The following NBPF3 variants were observed in gnomAD, a reference collection of about 807,000 sequenced individuals.
NBPF3 encodes NBPF member 3, also known as NBPF family member NBPF3.
NBPF3 carries 57 observed loss-of-function variants against 78.1 expected under a neutral mutation model. That is an observed-to-expected ratio of 0.73 (90% CI 0.59 to 0.91). The LOEUF is 0.91. Ranked by LOEUF, NBPF3 falls within the 40% of genes least tolerant of loss-of-function variation. The pLI, the probability that NBPF3 is intolerant of heterozygous loss-of-function variation, is 0.00. For synonymous variants in NBPF3, 182 were observed against 271.7 expected (o/e 0.67, Z 3.25); for missense variants, 510 against 715.3 (o/e 0.71, Z 3.27).
intron 4 of NBPF3, 116 bp downstream of exon 4, chr1:21,470,850 A>G (rs1642548237): frequency 1.6e-6 from 1 of 624,736 alleles, no homozygotes. Context: ...AGGAATTGCC[A>G]TGGCAGGCTC....
intron 9 of NBPF3, 45 bp downstream of exon 9, chr1:21,478,352 C>T (rs750813803): frequency 3.7e-5 from 59 of 1,595,632 alleles, no homozygotes; most frequent in Non-Finnish European, 4.8e-5. Context: ...GTTCATGTCC[C>T]AGGTAGACCC....
intron 2 of NBPF3, among the ~76,000 whole-genome samples, chr1:21,448,249 G>C (rs2147909815): frequency 6.6e-6 from 1 of 151,948 alleles, no homozygotes; most frequent in South Asian, 2.1e-4. Flanking sequence ...TATCTCCTAG[G>C]ATTCTTATGG....
Position 21,483,414 on chromosome 1 carries a change from A to G in NBPF3, c.*28A>G. The G allele has an allele frequency of 1.4e-6, 1 of 698,576 alleles. No homozygotes were observed. 43.3% of individuals were successfully genotyped at this position (698,576 alleles called of 1,614,324 possible). ...AGCCCTTACTAAGCTGAGAGATGTC[A>G]TTGCTGCAGGCAGGACGTATAGGCA... is the stretch of plus-strand genomic sequence containing the variant. On this transcript the variant is annotated 3_prime_UTR_variant, in exon 15 of 15. Coordinates refer to ENST00000318249, the MANE Select transcript of NBPF3 (RefSeq NM_032264.6).
chr1:21,438,098 G>A (rs529213827), upstream of NBPF3, among the ~76,000 whole-genome samples: 26 of 151,860 alleles, frequency 1.7e-4, no homozygotes, highest in South Asian at 5.2e-3. Context: ...GGGATTACAG[G>A]CGTGAGCCAC....
intron 2 of NBPF3, among the ~76,000 whole-genome samples, chr1:21,454,700 A>T (rs1641501040): frequency 1.3e-5 from 2 of 152,208 alleles, no homozygotes; most frequent in African/African-American, 2.4e-5. Flanking sequence ...TACAGGCGTC[A>T]ACCATATCAG....
chr1:21,456,846 T>C (rs951901642), intron 2 of NBPF3, among the ~76,000 whole-genome samples: 3 of 152,222 alleles, frequency 2.0e-5, no homozygotes, highest in African/African-American at 7.2e-5. Flanking sequence ...AATTCAGCAT[T>C]ATACTAGAGA....
intron 2 of NBPF3, among the ~76,000 whole-genome samples, chr1:21,467,997 T>C (rs1642372396): frequency 6.6e-6 from 1 of 152,188 alleles, no homozygotes; most frequent in African/African-American, 2.4e-5. Context: ...TTTTTACAAA[T>C]GAGTTATTCA....
upstream of NBPF3, among the ~76,000 whole-genome samples, chr1:21,439,338 A>C (rs527435511): frequency 2.6e-5 from 4 of 152,060 alleles, no homozygotes; most frequent in African/African-American, 9.6e-5. Context: ...AAAATACAAC[A>C]ATTAGCCAGG....
upstream of NBPF3, chr1:21,437,387 T>C (rs574970705): frequency 4.8e-6 from 4 of 837,876 alleles, no homozygotes; most frequent in Non-Finnish European, 7.1e-6. Flanking sequence ...GAGAGCACAT[T>C]GGGGAGTGGA....
At chr1:21,449,775 A>G (rs1641198177) in intron 2 of NBPF3, 1 of 192,912 alleles carries the variant, frequency 5.2e-6, no homozygotes, top group Non-Finnish European at 9.5e-6. Flanking sequence ...GACCTGAACC[A>G]TTTTTATTCT....
intron 11 of NBPF3, 97 bp from the exon 12 acceptor site, chr1:21,480,833 G>A (rs1391329328): frequency 1.8e-5 from 12 of 658,270 alleles, no homozygotes; most frequent in Non-Finnish European, 2.8e-5. Context: ...CTCATGCTGA[G>A]GAGCCTGAGG....
intron 2 of NBPF3, chr1:21,446,047 A>T (rs1640951816): frequency 6.6e-6 from 1 of 152,384 alleles, no homozygotes; most frequent in African/African-American, 2.4e-5. Flanking sequence ...GTCCTGGGGG[A>T]GTAGGAGCCA....
intron 3 of NBPF3, among the ~76,000 whole-genome samples, chr1:21,469,699 T>TGGGCGATA (rs1642480075): frequency 6.6e-6 from 1 of 152,122 alleles, no homozygotes; most frequent in Admixed American, 6.5e-5. Context: ...CACTCCAGCC[T>TGGGCGATA]GGGCGATAGG....
chr1:21,472,931 CG>C lies in NBPF3; in HGVS notation c.734+19del. ...ATGCCCCCAGGTAACGCTGAATAATCGGGAGCAAGTAATGGGTGGTAACATA... is the reference window on the plus strand; with the variant it reads ...ATGCCCCCAGGTAACGCTGAATAATCGGAGCAAGTAATGGGTGGTAACATA... On this transcript the variant is annotated intron_variant, in intron 6 of 14. Transcript: ENST00000318249. 1 of 1,587,748 alleles carries C rather than the reference CG, an allele frequency of 6.3e-7. No individual in the cohort carries two copies. Among genetic ancestry groups the C allele is most frequent in the Non-Finnish European group, 8.7e-7 (1 of 1,156,054 alleles).
At position 21,474,960 on chromosome 1, in the gene NBPF3, A is replaced by G. The variant is rs746802078; in HGVS notation, c.992+9A>G. On this transcript the variant is annotated intron_variant, in intron 8 of 14. Transcript: ENST00000318249. Reference sequence around the variant, plus strand: ...GGGCCAGTGTCTCCCAGGTAATGCCATGGAATTGTGGGCTGTTAATTCAAT... The same window carrying G: ...GGGCCAGTGTCTCCCAGGTAATGCCGTGGAATTGTGGGCTGTTAATTCAAT... 3.7e-6 allele frequency: 6 copies of G among 1,600,912 alleles called. No homozygotes were observed. The highest frequency in any genetic ancestry group is 2.3e-5 in the East Asian group (1 of 44,360).
intron 3 of NBPF3, 114 bp from the exon 4 acceptor site, chr1:21,470,518 C>A: frequency 1.4e-6 from 1 of 728,320 alleles, no homozygotes; most frequent in Non-Finnish European, 2.4e-6. Flanking sequence ...TACGTAGAGC[C>A]TGGCAGTGGG....
chr1:21,463,261 C>T (rs1330561238), intron 2 of NBPF3, among the ~76,000 whole-genome samples: 1 of 152,196 alleles, frequency 6.6e-6, no homozygotes, highest in Non-Finnish European at 1.5e-5. Context: ...TCGACTTCAA[C>T]TCTAAAGGGC....
chr1:21,469,635 G>A (rs912529791), intron 3 of NBPF3, among the ~76,000 whole-genome samples: 5 of 152,208 alleles, frequency 3.3e-5, no homozygotes, highest in African/African-American at 1.2e-4. Flanking sequence ...TGAGGCAGGA[G>A]AATCCCTTGC....
Position 21,470,751 on chromosome 1 carries a change from G to T in NBPF3, c.446+17G>T. On this transcript the variant is annotated intron_variant, in intron 4 of 14. Coordinates refer to ENST00000318249, the MANE Select transcript of NBPF3 (RefSeq NM_032264.6). ...GGAGCTCAGGTGAGTGGGCCCCCTG[G>T]GGTCAGGCAGGTGGGCAGGTGTGTA... 7 of 1,558,204 alleles carry T rather than the reference G, an allele frequency of 4.5e-6. No individual in the cohort carries two copies. Among genetic ancestry groups the T allele is most frequent in the Non-Finnish European group, 6.2e-6 (7 of 1,135,422 alleles).
Sources: allele counts gnomAD v4.1 joint callset (sites outside exome capture counted in the v4.1 genomes callset), GRCh38; gene constraint gnomAD v4.1.1; transcripts MANE v1.5; gene names NCBI Gene and HGNC (gene_info 2026-07-23, HGNC 2026-07-21).